The following SOBP variants were observed in gnomAD, a reference collection of about 807,000 sequenced individuals.
SOBP encodes sine oculis binding protein homolog, also known as sine oculis-binding protein homolog.
A neutral mutation model predicts 53.6 loss-of-function variants in SOBP; 4 were observed. The observed-to-expected ratio is 0.07, with a 90% confidence interval of 0.04 to 0.17. The LOEUF (loss-of-function observed/expected upper bound fraction) is 0.17. SOBP is among the 10% of genes least tolerant of loss of function. The pLI is 1.00. For synonymous variants in SOBP, 584 were observed against 522.6 expected (o/e 1.12, Z -1.60); for missense variants, 1,088 against 1,204.7 (o/e 0.90, Z 1.43).
rs926096488 is a variant in SOBP, at chr6:107,548,411, T to G, written c.573+14801T>G. The stretch of plus-strand genomic sequence containing the variant: ...GCGCCCGCCACCATGCCTGGCTAAT[T>G]TTTTGTATTTTTAGTAGAGACAGGG... On this transcript the variant is annotated intron_variant, in intron 4 of 6. Transcript: ENST00000317357. 3.3e-5 allele frequency among the ~76,000 whole-genome samples: 5 copies of G among 151,814 alleles called. No individual in the cohort carries two copies. In the South Asian group the frequency reaches 6.2e-4, roughly 19 times the overall value.
At chr6:107,491,868 C>A (rs1041569428) in intron 1 of SOBP, among the ~76,000 whole-genome samples, 6 of 152,302 alleles carry the variant, frequency 3.9e-5, no homozygotes, top group Middle Eastern at 3.4e-3. Flanking sequence ...AAATTTATTG[C>A]GCTTTGACGC....
rs12215666 is a variant in SOBP, at chr6:107,538,711, C to T, written c.573+5101C>T. Among the ~76,000 whole-genome samples the T allele has an allele frequency of 5.0e-3, 761 of 152,292 alleles. 2 individuals are homozygous for T. The highest frequency in any genetic ancestry group is 7.7e-3 in the Non-Finnish European group (523 of 68,028). ...TAGTCTGCAGGCCAGTGGCTGAGCT[C>T]CCTTTTGGTCATAGCAAACGGGTGT... On this transcript the variant is annotated intron_variant, in intron 4 of 6. Transcript: ENST00000317357.
At chr6:107,545,628 G>C (rs576537617) in intron 4 of SOBP, among the ~76,000 whole-genome samples, 2 of 152,298 alleles carry the variant, frequency 1.3e-5, no homozygotes, top group African/African-American at 4.8e-5. Context: ...TGTGGACATG[G>C]ATATTGCTAA....
rs771845851 is a variant in SOBP at position 107,634,158 on chromosome 6, C to T, written c.1314C>T (p.Pro438=). ...NPMLPGIGPP[P]GGPRNLGPTS... ...TGCTTCCCGGCATCGGGCCCCCGCC[C>T]GGTGGCCCCAGAAACCTGGGCCCCA... The change falls in exon 6 of 7, where the codon CCC becomes CCT. Residue 438 remains proline (P), a synonymous_variant. Coordinates refer to ENST00000317357, the MANE Select transcript of SOBP (RefSeq NM_018013.4). This position sits in a 1 kb window ranked among gnomAD's most constrained non-coding sequence, Gnocchi z 4.5. 6 of 1,611,534 alleles carry T rather than the reference C, an allele frequency of 3.7e-6. No homozygotes were observed. Among genetic ancestry groups the T allele is most frequent in the African/African-American group, 1.3e-5 (1 of 74,926 alleles).
At chr6:107,596,855 T>C (rs1785964844) in intron 5 of SOBP, among the ~76,000 whole-genome samples, 1 of 152,186 alleles carries the variant, frequency 6.6e-6, no homozygotes, top group Admixed American at 6.5e-5. Flanking sequence ...CCACCATCTC[T>C]TAGAGAGCTT....
chr6:107,632,802 G>C (rs571765829), intron 5 of SOBP, among the ~76,000 whole-genome samples: 1 of 152,174 alleles, frequency 6.6e-6, no homozygotes, highest in Non-Finnish European at 1.5e-5. Flanking sequence ...ATGTTCTCTG[G>C]TGTTTGAAAA....
intron 5 of SOBP, among the ~76,000 whole-genome samples, chr6:107,632,136 T>G (rs1010230188): frequency 2.0e-5 from 3 of 152,176 alleles, no homozygotes; most frequent in Non-Finnish European, 4.4e-5. Flanking sequence ...ATAGTTTTTT[T>G]AAAAAACCAA....
At chr6:107,606,324 G>T (rs12524319) in intron 5 of SOBP, among the ~76,000 whole-genome samples, 2 of 151,702 alleles carry the variant, frequency 1.3e-5, no homozygotes, top group Non-Finnish European at 2.9e-5. Context: ...TGATCCACCC[G>T]CCTTGGCCTC....
intron 5 of SOBP, among the ~76,000 whole-genome samples, chr6:107,598,818 T>G (rs1786043097): frequency 6.6e-6 from 1 of 152,246 alleles, no homozygotes; most frequent in African/African-American, 2.4e-5. Flanking sequence ...CAAGTTTTTA[T>G]GATCATCTTA....
chr6:107,543,970 T>C (rs956671890), intron 4 of SOBP, among the ~76,000 whole-genome samples: 3 of 152,206 alleles, frequency 2.0e-5, no homozygotes, highest in African/African-American at 7.2e-5. Flanking sequence ...TTAGCTGTTA[T>C]TCCCATTTAT....
At chr6:107,510,657 T>C (rs1783143889) in intron 3 of SOBP, 1 of 152,236 alleles carries the variant, frequency 6.6e-6, no homozygotes, top group Non-Finnish European at 1.5e-5. Flanking sequence ...ATCTAGTGAA[T>C]CATTTTAACT....
intron 3 of SOBP, among the ~76,000 whole-genome samples, chr6:107,513,348 G>A (rs1018762518): frequency 8.5e-5 from 13 of 152,126 alleles, no homozygotes; most frequent in Non-Finnish European, 1.2e-4. Flanking sequence ...GGACTCTAAG[G>A]AACCATTAGC....
intron 4 of SOBP, among the ~76,000 whole-genome samples, chr6:107,559,451 T>G (rs1784713101): frequency 6.6e-6 from 1 of 152,024 alleles, no homozygotes; most frequent in African/African-American, 2.4e-5. Context: ...ATGAAAAAAA[T>G]AAGATGAAAT....
At chr6:107,553,298 TTTTATTTATTTATTTATTTATTTA>T (rs750735550) in intron 4 of SOBP, among the ~76,000 whole-genome samples, 2 of 139,392 alleles carry the variant, frequency 1.4e-5, no homozygotes, top group South Asian at 2.4e-4. Flanking sequence ...CTTATTATTA[TTTTATTTATTTATTTATTTATTTA>T]TTTATTTATT....
chr6:107,513,364 G>A (rs541612016), intron 3 of SOBP, among the ~76,000 whole-genome samples: 3 of 152,202 alleles, frequency 2.0e-5, no homozygotes, highest in East Asian at 3.9e-4. Flanking sequence ...TTAGCTTAAC[G>A]GAGAATATGG....
intron 5 of SOBP, among the ~76,000 whole-genome samples, chr6:107,599,704 C>G (rs1252975775): frequency 1.3e-5 from 2 of 151,542 alleles, no homozygotes; most frequent in Non-Finnish European, 2.9e-5. Flanking sequence ...AAAATCCTGA[C>G]TTTCTTTTGG....
chr6:107,498,965 A>G (rs1782766770), intron 1 of SOBP, among the ~76,000 whole-genome samples: 1 of 152,164 alleles, frequency 6.6e-6, no homozygotes, highest in Admixed American at 6.5e-5. Context: ...AAATGAGGAG[A>G]TTCCATTTTA....
At chr6:107,520,928 A>T (rs949213227) in intron 3 of SOBP, among the ~76,000 whole-genome samples, 1 of 151,958 alleles carries the variant, frequency 6.6e-6, no homozygotes, top group African/African-American at 2.4e-5. Context: ...ACCTGTCATC[A>T]CTGTGGAGCC....
At chr6:107,529,687 A>G in intron 3 of SOBP, 1 of 918,486 alleles carries the variant, frequency 1.1e-6, no homozygotes, top group Non-Finnish European at 1.3e-6. Flanking sequence ...CCTTATTTTT[A>G]AAAGTCACCA....
Sources: gnomAD v4.1 joint callset for allele counts (sites outside exome capture counted in the v4.1 genomes callset) on GRCh38, gnomAD v4.1.1 for gene constraint, Gnocchi (gnomAD v3.1) non-coding constraint, MANE v1.5 for transcripts, NCBI Gene and HGNC (gene_info 2026-07-23, HGNC 2026-07-21) for gene names.